Variants in CACNB4 observed in about 807,000 individuals in gnomAD.
CACNB4 encodes the protein voltage-dependent L-type calcium channel subunit beta-4.
Under a neutral mutation model 71.2 loss-of-function variants are expected in CACNB4, and 32 were observed. The observed-to-expected ratio is 0.45, with a 90% confidence interval of 0.34 to 0.60. The LOEUF is 0.60. Among genes scored for constraint, CACNB4 ranks in the 20% least tolerant of loss-of-function variants. The probability of loss-of-function intolerance (pLI) is 0.01; values close to 1 mark genes in which losing one functional copy is unlikely to be tolerated. For missense variants in CACNB4, 464 were observed against 647.9 expected (o/e 0.72, Z 3.08); for synonymous variants, 231 against 236.9 (o/e 0.97, Z 0.23).
At chr2:151,913,619 C>T (rs1044441321) in intron 2 of CACNB4, among the ~76,000 whole-genome samples, 3 of 151,638 alleles carry the variant, frequency 2.0e-5, no homozygotes, top group African/African-American at 4.8e-5. Context: ...GCAAAAAAAT[C>T]GCCAGGGGTG....
chr2:151,997,710 G>C (rs1363782226), intron 2 of CACNB4, among the ~76,000 whole-genome samples: 1 of 152,064 alleles, frequency 6.6e-6, no homozygotes, highest in Non-Finnish European at 1.5e-5. Context: ...TCCAAGGAAG[G>C]CAACCCTGCT....
chr2:151,936,235 C>T (rs2099862880), intron 2 of CACNB4: 1 of 152,210 alleles, frequency 6.6e-6, no homozygotes. Flanking sequence ...GAAGTTCAAA[C>T]AGCTCGCAGA....
intron 2 of CACNB4, among the ~76,000 whole-genome samples, chr2:151,980,269 C>T (rs1579065643): frequency 1.3e-5 from 2 of 152,216 alleles, no homozygotes; most frequent in South Asian, 4.2e-4. Flanking sequence ...AACCCAAATC[C>T]TTAACAAGGT....
intron 2 of CACNB4, among the ~76,000 whole-genome samples, chr2:152,092,680 G>A (rs1688042245): frequency 6.6e-6 from 1 of 151,728 alleles, no homozygotes; most frequent in Non-Finnish European, 1.5e-5. Flanking sequence ...ATTACACGCA[G>A]GGTGGCTTTA....
intron 2 of CACNB4, among the ~76,000 whole-genome samples, chr2:151,952,593 A>G (rs1307640448): frequency 6.6e-6 from 1 of 152,236 alleles, no homozygotes; most frequent in Non-Finnish European, 1.5e-5. Context: ...TTTAAAACTA[A>G]TAATATGCCT....
chr2:151,965,052 T>A (rs996306536), intron 2 of CACNB4, among the ~76,000 whole-genome samples: 1 of 152,206 alleles, frequency 6.6e-6, no homozygotes, highest in African/African-American at 2.4e-5. Flanking sequence ...CTTAATTCTA[T>A]CACTTGGATC....
At chr2:152,069,077 C>A (rs78334641) in intron 2 of CACNB4, among the ~76,000 whole-genome samples, 3,013 of 152,270 alleles carry the variant, frequency 0.02, 100 homozygotes, top group African/African-American at 0.068. Flanking sequence ...AGGCTACTCT[C>A]AGTCAATGGG....
chr2:151,846,313 A>T (rs1435337519), intron 12 of CACNB4, among the ~76,000 whole-genome samples: 2 of 152,106 alleles, frequency 1.3e-5, no homozygotes, highest in African/African-American at 4.8e-5. Context: ...AGCATATTCC[A>T]TTTATTTCTT....
rs1440227539 is a variant in CACNB4, at chr2:152,024,833, A to G, written c.147+73497T>C. On this transcript the variant is annotated intron_variant, in intron 2 of 13. Coordinates refer to ENST00000539935, the MANE Select transcript of CACNB4 (RefSeq NM_000726.5). Reference sequence around the variant, plus strand: ...CACTTTGGGAAGCCAAGGTGGGCAGATCACCTGAGGTCAGGAGTTCAAGAC... The same window carrying G: ...CACTTTGGGAAGCCAAGGTGGGCAGGTCACCTGAGGTCAGGAGTTCAAGAC... Among the ~76,000 whole-genome samples, 5 of 152,220 alleles carry G rather than the reference A, an allele frequency of 3.3e-5. No homozygotes were observed. The East Asian group carries it at 9.6e-4, about 29-fold the overall frequency.
intron 2 of CACNB4, among the ~76,000 whole-genome samples, chr2:151,903,364 A>T (rs537543076): frequency 3.9e-5 from 6 of 152,160 alleles, no homozygotes; most frequent in African/African-American, 1.4e-4. Flanking sequence ...AAATCCAAAA[A>T]AAAAATTAGC....
intron 2 of CACNB4, among the ~76,000 whole-genome samples, chr2:151,948,615 C>T (rs1221371459): frequency 2.6e-5 from 4 of 151,876 alleles, no homozygotes; most frequent in African/African-American, 9.7e-5. Flanking sequence ...GAGCCAAGAT[C>T]GTGCCACTGC....
intron 2 of CACNB4, chr2:151,973,453 A>G (rs1005988998): frequency 1.4e-5 from 8 of 573,218 alleles, no homozygotes; most frequent in African/African-American, 1.3e-4. Context: ...CTTTGCCATC[A>G]CCCTAATTTC....
At chr2:151,951,947 G>T (rs1333173147) in intron 2 of CACNB4, among the ~76,000 whole-genome samples, 1 of 152,144 alleles carries the variant, frequency 6.6e-6, no homozygotes, top group Non-Finnish European at 1.5e-5. Flanking sequence ...TAATTGAATG[G>T]CCTGGAGGCT....
At position 151,903,063 on chromosome 2, in the gene CACNB4, C is replaced by T. The variant is rs111692376; in HGVS notation, c.148-19693G>A. Among the ~76,000 whole-genome samples the T allele has an allele frequency of 3.9e-5, 6 of 152,116 alleles. No individual in the cohort carries two copies. The East Asian group carries it at 1.2e-3, about 29-fold the overall frequency. Reference sequence around the variant, plus strand: ...TACTGTGCTATGTGTCAGCCTAGCTCTGCTCTTGAATGCTGAGTTTGTGAT... The same window carrying T: ...TACTGTGCTATGTGTCAGCCTAGCTTTGCTCTTGAATGCTGAGTTTGTGAT... On this transcript the variant is annotated intron_variant, in intron 2 of 13. Transcript: ENST00000539935.
chr2:152,055,676 C>T (rs1305581170), intron 2 of CACNB4, among the ~76,000 whole-genome samples: 1 of 152,182 alleles, frequency 6.6e-6, no homozygotes, highest in Non-Finnish European at 1.5e-5. Flanking sequence ...GCTTCTGGAG[C>T]CTTTCAGAAT....
intron 4 of CACNB4, among the ~76,000 whole-genome samples, chr2:151,876,915 A>G (rs2099846525): frequency 6.8e-6 from 1 of 146,762 alleles, no homozygotes; most frequent in African/African-American, 2.5e-5. Flanking sequence ...GTATATGTAT[A>G]TATGTATATA....
intron 9 of CACNB4, among the ~76,000 whole-genome samples, chr2:151,862,566 A>G (rs1260102010): frequency 1.3e-5 from 2 of 152,236 alleles, no homozygotes; most frequent in Non-Finnish European, 2.9e-5. Context: ...AGGGAGGTTC[A>G]GTGGGCTCCA....
intron 2 of CACNB4, among the ~76,000 whole-genome samples, chr2:151,916,816 C>T (rs965104908): frequency 2.0e-5 from 3 of 152,214 alleles, no homozygotes; most frequent in Admixed American, 1.3e-4. Context: ...TGTCCAGAGA[C>T]ATTTTTCATT....
intron 2 of CACNB4, among the ~76,000 whole-genome samples, chr2:152,093,596 G>T (rs1244558616): frequency 6.6e-6 from 1 of 152,186 alleles, no homozygotes; most frequent in African/African-American, 2.4e-5. Context: ...TAGGAGAGCT[G>T]TGGCTTCAGC....
Sources: gnomAD v4.1 joint callset for allele counts (sites outside exome capture counted in the v4.1 genomes callset) on GRCh38, gnomAD v4.1.1 for gene constraint, MANE v1.5 for transcripts, NCBI Gene and HGNC (gene_info 2026-07-23, HGNC 2026-07-21) for gene names.